The following PVT1 variants were observed in gnomAD, a reference collection of about 807,000 sequenced individuals.
The protein encoded by PVT1 is CXCR4/PVT1 fusion.
chr8:128,042,145 A>G (rs1169715459), intron 4 of PVT1, among the ~76,000 whole-genome samples: 3 of 152,238 alleles, frequency 2.0e-5, no homozygotes, highest in South Asian at 4.1e-4. Context: ...CCCAAGGGAC[A>G]GGGTCATTTG....
Position 127,851,029 on chromosome 8 carries a change from T to A in PVT1, n.373-39560T>A, listed in dbSNP as rs76906422. On this transcript the variant is annotated intron_variant and non_coding_transcript_variant, in intron 2 of 10. Transcript: ENST00000651587. ...CTCAAAAAAAAAAATTAAAAAAAAATAAAAAAAGATAAAATGTAGTTATGA... is the reference window on the plus strand; with the variant it reads ...CTCAAAAAAAAAAATTAAAAAAAAAAAAAAAAAGATAAAATGTAGTTATGA... 2.6e-3 allele frequency among the ~76,000 whole-genome samples: 369 copies of A among 141,268 alleles called. 6 individuals carry two copies. In the East Asian group the frequency reaches 0.067, roughly 26 times the overall value. 92.7% of individuals were successfully genotyped at this position (141,268 alleles called of 152,430 possible).
At chr8:128,097,293 G>A (rs905623431) in intron 6 of PVT1, among the ~76,000 whole-genome samples, 5 of 147,846 alleles carry the variant, frequency 3.4e-5, no homozygotes, top group African/African-American at 1.0e-4. Flanking sequence ...CCTAGGAGGT[G>A]GAGGTTGCAG....
chr8:127,932,311 T>C (rs997942432), intron 3 of PVT1, among the ~76,000 whole-genome samples: 6 of 152,222 alleles, frequency 3.9e-5, no homozygotes, highest in African/African-American at 1.4e-4. Flanking sequence ...GCTTTAGGTT[T>C]GATCTCCCTC....
At chr8:127,819,476 G>C (rs903016219) in intron 2 of PVT1, among the ~76,000 whole-genome samples, 1 of 152,242 alleles carries the variant, frequency 6.6e-6, no homozygotes, top group African/African-American at 2.4e-5. Flanking sequence ...GAGGCAGAGA[G>C]ATAAGTGTCT....
chr8:128,004,422 G>A (rs1206540567), intron 4 of PVT1, among the ~76,000 whole-genome samples: 1 of 152,176 alleles, frequency 6.6e-6, no homozygotes, highest in Non-Finnish European at 1.5e-5. Context: ...TCATCCTGGA[G>A]GTGGGGTTGA....
intron 2 of PVT1, among the ~76,000 whole-genome samples, chr8:127,887,812 G>A (rs1210855612): frequency 6.6e-6 from 1 of 151,704 alleles, no homozygotes; most frequent in Non-Finnish European, 1.5e-5. Context: ...ACAGGCATGA[G>A]CCACCACGCT....
chr8:127,874,931 T>G (rs938154771), intron 2 of PVT1, among the ~76,000 whole-genome samples: 8 of 150,338 alleles, frequency 5.3e-5, no homozygotes, highest in Admixed American at 2.6e-4. Flanking sequence ...TGTGTGTGTG[T>G]GTGTGGGTGT....
At chr8:128,016,395 C>G (rs955836376) in intron 4 of PVT1, among the ~76,000 whole-genome samples, 2 of 152,182 alleles carry the variant, frequency 1.3e-5, no homozygotes, top group Non-Finnish European at 2.9e-5. Flanking sequence ...GTGTCACCAA[C>G]TATGGCCTTA....
chr8:127,993,722 C>G (rs1304624232), intron 4 of PVT1, among the ~76,000 whole-genome samples: 1 of 152,170 alleles, frequency 6.6e-6, no homozygotes, highest in African/African-American at 2.4e-5. Flanking sequence ...AAAGTATTCC[C>G]CTTTCAGAAG....
At chr8:127,948,635 A>G (rs964305276) in intron 3 of PVT1, 1 of 152,314 alleles carries the variant, frequency 6.6e-6, no homozygotes, top group African/African-American at 2.4e-5. Context: ...ATATGGTCAG[A>G]CTGGTGGGTG....
chr8:127,984,994 T>TTTTTCCTTCC (rs1816945514), intron 3 of PVT1, among the ~76,000 whole-genome samples: 1 of 67,090 alleles, frequency 1.5e-5, no homozygotes, highest in African/African-American at 6.3e-5. Flanking sequence ...TTTCTTTCTC[T>TTTTTCCTTCC]TTCCTTCCTT....
intron 3 of PVT1, among the ~76,000 whole-genome samples, chr8:127,945,877 A>G (rs1388574471): frequency 6.6e-6 from 1 of 151,762 alleles, no homozygotes; most frequent in East Asian, 1.9e-4. Flanking sequence ...TGGGACACTC[A>G]CCGTCCCCAG....
At chr8:128,079,721 T>C (rs954822647) in intron 5 of PVT1, among the ~76,000 whole-genome samples, 7 of 152,190 alleles carry the variant, frequency 4.6e-5, no homozygotes, top group African/African-American at 1.7e-4. Flanking sequence ...ATATAGCCTT[T>C]TCTTTTTTTC....
intron 2 of PVT1, among the ~76,000 whole-genome samples, chr8:127,853,870 C>T (rs758371462): frequency 6.7e-4 from 102 of 152,098 alleles, no homozygotes; most frequent in African/African-American, 2.3e-3. Flanking sequence ...TTTAAGTCTA[C>T]GAGCATCTTA....
intron 2 of PVT1, among the ~76,000 whole-genome samples, chr8:127,834,814 C>T (rs1212911217): frequency 6.6e-6 from 1 of 151,826 alleles, no homozygotes; most frequent in Non-Finnish European, 1.5e-5. Context: ...TTTATATGGC[C>T]AACAAACAAA....
intron 2 of PVT1, among the ~76,000 whole-genome samples, chr8:127,830,770 G>A: frequency 6.6e-6 from 1 of 152,240 alleles, no homozygotes; most frequent in African/African-American, 2.4e-5. Context: ...GCTGGGGAAG[G>A]CAGACCCACC....
chr8:127,858,269 T>C (rs1193049575), intron 2 of PVT1, among the ~76,000 whole-genome samples: 1 of 152,126 alleles, frequency 6.6e-6, no homozygotes, highest in East Asian at 1.9e-4. Context: ...TAGCCGGGCA[T>C]GGTGGCGGGT....
At chr8:127,846,980 CTTTTTTTTTTTTT>C (rs34437112) in intron 2 of PVT1, among the ~76,000 whole-genome samples, 3 of 62,424 alleles carry the variant, frequency 4.8e-5, no homozygotes, top group Admixed American at 4.1e-4. Flanking sequence ...TGCACATGGC[CTTTTTTTTTTTTT>C]TTTTTTTTTG....
intron 3 of PVT1, among the ~76,000 whole-genome samples, chr8:127,937,014 G>A (rs1320325974): frequency 1.3e-5 from 2 of 152,232 alleles, no homozygotes; most frequent in Non-Finnish European, 2.9e-5. Context: ...ATGAATGCTG[G>A]TATCTAATTT....
Sources: allele counts gnomAD v4.1 joint callset (sites outside exome capture counted in the v4.1 genomes callset), GRCh38; gene constraint gnomAD v4.1.1; transcripts MANE v1.5; gene names NCBI Gene and HGNC (gene_info 2026-07-23, HGNC 2026-07-21).